The following KCNMA1 variants were observed in gnomAD, a reference collection of about 807,000 sequenced individuals.
KCNMA1 encodes Calcium-activated potassium channel subunit alpha-1.
KCNMA1 carries 29 observed loss-of-function variants against 140.0 expected under a neutral mutation model. The observed-to-expected ratio is 0.21, with a 90% CI of 0.15 to 0.28. KCNMA1 has a LOEUF of 0.28. Ranked by LOEUF, KCNMA1 falls within the 10% of genes least tolerant of loss-of-function variation. The pLI is 1.00. For missense variants in KCNMA1, 880 were observed against 1,602.2 expected, an observed-to-expected ratio of 0.55 and a Z score of 7.70; for synonymous variants, 612 against 611.9, an observed-to-expected ratio of 1.00 and a Z score of 0.00.
intron 2 of KCNMA1, among the ~76,000 whole-genome samples, chr10:77,392,054 T>C (rs755670061): frequency 1.3e-5 from 2 of 150,008 alleles, no homozygotes; most frequent in Admixed American, 6.7e-5. Context: ...ACATTTCATT[T>C]CCTGAAATGC....
At chr10:77,093,964 A>G (rs2096871300) in intron 9 of KCNMA1, among the ~76,000 whole-genome samples, 1 of 152,208 alleles carries the variant, frequency 6.6e-6, no homozygotes, top group African/African-American at 2.4e-5. Flanking sequence ...TGGACAATGT[A>G]CCAATTTTGC....
At chr10:76,937,958 A>G (rs887255181) in intron 23 of KCNMA1, among the ~76,000 whole-genome samples, 6 of 151,742 alleles carry the variant, frequency 4.0e-5, no homozygotes, top group Non-Finnish European at 7.4e-5. Flanking sequence ...TGTGTCTATA[A>G]AGCATAAAAT....
chr10:76,972,492 C>A (rs1358650329), intron 19 of KCNMA1, among the ~76,000 whole-genome samples: 1 of 152,180 alleles, frequency 6.6e-6, no homozygotes, highest in Non-Finnish European at 1.5e-5. Flanking sequence ...TGGCCATTAT[C>A]TTTACACCTT....
At chr10:77,287,843 CAG>C (rs1366957847) in intron 2 of KCNMA1, among the ~76,000 whole-genome samples, 2 of 152,214 alleles carry the variant, frequency 1.3e-5, no homozygotes, top group African/African-American at 2.4e-5. Context: ...TCAGAGCAAA[CAG>C]AGTTACTGCT....
At chr10:77,512,539 T>C (rs2048762515) in intron 1 of KCNMA1, among the ~76,000 whole-genome samples, 1 of 152,232 alleles carries the variant, frequency 6.6e-6, no homozygotes, top group East Asian at 1.9e-4. Flanking sequence ...ACTATCCATC[T>C]GCAGTTCCAG....
intron 20 of KCNMA1, among the ~76,000 whole-genome samples, chr10:76,958,246 A>G (rs1303701305): frequency 6.6e-6 from 1 of 152,022 alleles, no homozygotes; most frequent in Non-Finnish European, 1.5e-5. Context: ...CTCTCCCACA[A>G]CTCCTCAAAG....
chr10:77,611,103 T>C (rs935348408), intron 1 of KCNMA1, among the ~76,000 whole-genome samples: 2 of 152,236 alleles, frequency 1.3e-5, no homozygotes, highest in African/African-American at 4.8e-5. Flanking sequence ...CAACCACCCA[T>C]GTGTAGGGGA....
At chr10:76,942,841 T>C (rs1342128602) in intron 23 of KCNMA1, among the ~76,000 whole-genome samples, 2 of 152,202 alleles carry the variant, frequency 1.3e-5, no homozygotes, top group African/African-American at 4.8e-5. Flanking sequence ...CTGTTTTCCT[T>C]TCCCCTTGAT....
chr10:77,378,180 G>T (rs111764389), intron 2 of KCNMA1, among the ~76,000 whole-genome samples: 1 of 152,084 alleles, frequency 6.6e-6, no homozygotes, highest in African/African-American at 2.4e-5. Context: ...CCACCGAGCC[G>T]ACAGGCCATG....
At chr10:77,323,379 T>G (rs775665277) in intron 2 of KCNMA1, among the ~76,000 whole-genome samples, 1 of 152,186 alleles carries the variant, frequency 6.6e-6, no homozygotes, top group African/African-American at 2.4e-5. Flanking sequence ...TTTACAGGCA[T>G]GGAAGAGTGA....
chr10:77,034,769 C>T (rs2094199709), intron 15 of KCNMA1, among the ~76,000 whole-genome samples: 1 of 152,228 alleles, frequency 6.6e-6, no homozygotes, highest in Non-Finnish European at 1.5e-5. Flanking sequence ...TTAACTGCTC[C>T]ATCAGCTGCA....
intron 3 of KCNMA1, among the ~76,000 whole-genome samples, chr10:77,228,572 C>T (rs773897492): frequency 3.9e-5 from 6 of 152,128 alleles, no homozygotes; most frequent in Non-Finnish European, 7.3e-5. Flanking sequence ...CTTCCTCCTC[C>T]GCTTCCCCAA....
At chr10:77,427,724 TATTTATTTA>T (rs1566785798) in intron 1 of KCNMA1, among the ~76,000 whole-genome samples, 19 of 100,362 alleles carry the variant, frequency 1.9e-4, no homozygotes, top group African/African-American at 3.5e-4. Flanking sequence ...TCCATTCATT[TATTTATTTA>T]TTTATTTATT....
At chr10:77,374,763 G>T (rs912618803) in intron 2 of KCNMA1, among the ~76,000 whole-genome samples, 1 of 152,172 alleles carries the variant, frequency 6.6e-6, no homozygotes, top group African/African-American at 2.4e-5. Flanking sequence ...AAACAGACAT[G>T]AGTCCATTTT....
intron 2 of KCNMA1, among the ~76,000 whole-genome samples, chr10:77,360,939 C>T (rs1005936222): frequency 6.6e-6 from 1 of 152,072 alleles, no homozygotes; most frequent in African/African-American, 2.4e-5. Context: ...GTACTGGCAG[C>T]TCTGGGAGCC....
chr10:77,589,044 C>G (rs994475063), intron 1 of KCNMA1, among the ~76,000 whole-genome samples: 16 of 152,312 alleles, frequency 1.1e-4, no homozygotes, highest in Non-Finnish European at 1.5e-4. Flanking sequence ...AGTGGCCATG[C>G]ACAATACACG....
chr10:77,399,324 G>T (rs765201675), intron 2 of KCNMA1, among the ~76,000 whole-genome samples: 2 of 152,064 alleles, frequency 1.3e-5, no homozygotes, highest in South Asian at 2.1e-4. Flanking sequence ...ATTTCCCTCC[G>T]CATGAGCCGA....
At chr10:77,545,327 T>C (rs1451371590) in intron 1 of KCNMA1, among the ~76,000 whole-genome samples, 1 of 152,222 alleles carries the variant, frequency 6.6e-6, no homozygotes. Flanking sequence ...AGACTCATAT[T>C]TAAATGAGTT....
At chr10:77,491,930 A>G (rs2040080887) in intron 1 of KCNMA1, among the ~76,000 whole-genome samples, 1 of 152,138 alleles carries the variant, frequency 6.6e-6, no homozygotes, top group Admixed American at 6.5e-5. Context: ...TAGCCCTTAG[A>G]TGTGTTCAGG....
Sources: gnomAD v4.1 joint callset for allele counts (sites outside exome capture counted in the v4.1 genomes callset) on GRCh38, gnomAD v4.1.1 for gene constraint, MANE v1.5 for transcripts, NCBI Gene and HGNC (gene_info 2026-07-23, HGNC 2026-07-21) for gene names.